NGEF: variants seen among roughly 807,000 people sequenced by gnomAD.
NGEF encodes neuronal guanine nucleotide exchange factor.
NGEF carries 31 observed loss-of-function variants against 80.9 expected under a neutral mutation model. That is an observed-to-expected ratio of 0.38 (90% CI 0.29 to 0.52). NGEF has a LOEUF of 0.52. Ranked by LOEUF, NGEF falls within the 20% of genes least tolerant of loss-of-function variation. The pLI is 0.84. For synonymous variants in NGEF, 371 were observed against 370.2 expected (o/e 1.00, Z -0.03); for missense variants, 709 against 926.2 (o/e 0.77, Z 3.04).
intron 3 of NGEF, among the ~76,000 whole-genome samples, chr2:232,933,193 A>G (rs1333379168): frequency 1.3e-5 from 2 of 152,010 alleles, no homozygotes; most frequent in African/African-American, 4.8e-5. Context: ...TCTAGACCCA[A>G]CTTCTCAAAG....
At chr2:232,884,644 T>C (rs895660072) in intron 10 of NGEF, among the ~76,000 whole-genome samples, 1 of 152,182 alleles carries the variant, frequency 6.6e-6, no homozygotes, top group African/African-American at 2.4e-5. Context: ...AGGCCAGGCC[T>C]GCAGCTGAAC....
intron 3 of NGEF, among the ~76,000 whole-genome samples, chr2:232,958,580 T>C (rs1428087097): frequency 6.6e-6 from 1 of 152,144 alleles, no homozygotes; most frequent in Non-Finnish European, 1.5e-5. Context: ...TTGAGGAGCT[T>C]AATGCTACCT....
At chr2:232,989,275 C>G (rs1421692086) in intron 1 of NGEF, among the ~76,000 whole-genome samples, 1 of 152,156 alleles carries the variant, frequency 6.6e-6, no homozygotes, top group East Asian at 1.9e-4. Context: ...TGGTGAAACC[C>G]TGTCTCTACT....
At chr2:232,975,662 C>A (rs1410528435) in intron 1 of NGEF, among the ~76,000 whole-genome samples, 6 of 152,102 alleles carry the variant, frequency 3.9e-5, no homozygotes, top group Admixed American at 3.9e-4. Flanking sequence ...ACCTCCCTCC[C>A]CACAAAGACC....
Position 232,946,166 on chromosome 2 carries a change from A to C in NGEF, c.384-18980T>G, listed in dbSNP as rs770937000. ...AGATAAGATTGGAGACAGTATTCTA[A>C]GTGAAGTAACTCAGGAATGGAAAAC... On this transcript the variant is annotated intron_variant, in intron 3 of 14. Transcript: ENST00000264051. 7.0e-4 allele frequency among the ~76,000 whole-genome samples: 107 copies of C among 152,050 alleles called. 1 individual carries two copies. The highest frequency in any genetic ancestry group is 9.8e-4 in the Admixed American group (15 of 15,248).
intron 5 of NGEF, among the ~76,000 whole-genome samples, chr2:232,901,880 A>G (rs1246601473): frequency 3.3e-5 from 5 of 152,074 alleles, no homozygotes; most frequent in African/African-American, 1.2e-4. Flanking sequence ...CACAGGCCCT[A>G]CCATCCAGGC....
chr2:232,920,679 G>T, intron 4 of NGEF, 94 bp from the exon 5 acceptor site: 1 of 1,281,588 alleles, frequency 7.8e-7, no homozygotes, highest in Non-Finnish European at 1.1e-6. Flanking sequence ...CTTATCAAGG[G>T]TGGCTGCTGT....
intron 5 of NGEF, among the ~76,000 whole-genome samples, chr2:232,913,464 C>T (rs1692731032): frequency 6.6e-6 from 1 of 152,126 alleles, no homozygotes; most frequent in African/African-American, 2.4e-5. Context: ...GTAGAGTGTT[C>T]TAGGAATGTT....
chr2:232,969,487 T>TCCTTCCTTCCTTCCTTCCTA (rs1559229015), intron 3 of NGEF, among the ~76,000 whole-genome samples: 1 of 112,344 alleles, frequency 8.9e-6, no homozygotes, highest in Non-Finnish European at 1.8e-5. Context: ...CTTCCTTCCT[T>TCCTTCCTTCCTTCCTTCCTA]CCTCCCTCCC....
At chr2:232,904,739 T>C (rs1692449419) in intron 5 of NGEF, among the ~76,000 whole-genome samples, 2 of 151,318 alleles carry the variant, frequency 1.3e-5, no homozygotes, top group Non-Finnish European at 2.9e-5. Context: ...AGCCCAGGAG[T>C]TGGAGAATAG....
intron 5 of NGEF, among the ~76,000 whole-genome samples, chr2:232,899,225 GTGTGCATA>G (rs1692196746): frequency 6.6e-6 from 1 of 152,034 alleles, no homozygotes; most frequent in African/African-American, 2.4e-5. Flanking sequence ...GTGTGTGAAT[GTGTGCATA>G]TGAGGGGGGC....
In NGEF at chr2:232,944,726, A is replaced by AATATATATATATATATAT. The variant is rs57851903; in HGVS notation, c.384-17558_384-17541dup. ...TGGGCTAGGGGATAAGACTTTTCCGAATATATATATATATATATATATATA... is the reference window on the plus strand; with the variant it reads ...TGGGCTAGGGGATAAGACTTTTCCGAATATATATATATATATATATATATATATATATATATATATATA... On this transcript the variant is annotated intron_variant, in intron 3 of 14. Transcript: ENST00000264051. Among the ~76,000 whole-genome samples, 348 of 108,608 alleles carry AATATATATATATATATAT rather than the reference A, an allele frequency of 3.2e-3. 4 individuals carry two copies. Among genetic ancestry groups the AATATATATATATATATAT allele is most frequent in the East Asian group, 5.7e-3 (20 of 3,524 alleles). 71.3% of individuals were successfully genotyped at this position (108,608 alleles called of 152,430 possible). A position where few individuals can be genotyped will look rare whatever the true frequency, so the allele number is the denominator to read the frequency against.
chr2:232,932,601 T>C (rs1428169115), intron 3 of NGEF, among the ~76,000 whole-genome samples: 1 of 152,184 alleles, frequency 6.6e-6, no homozygotes, highest in Admixed American at 6.5e-5. Context: ...TAGTATCAAT[T>C]TCTGTCTTAG....
chr2:232,974,900 G>A lies in NGEF; in HGVS notation c.-10C>T, dbSNP rs563158154. On this transcript the variant is annotated 5_prime_UTR_variant, in exon 2 of 15. Coordinates refer to ENST00000264051, the MANE Select transcript of NGEF (RefSeq NM_019850.3). ...ATTCCCTGGTCTCCATGGAAATAGA[G>A]CCAGATGTTTCTCAGCAGAACGACT... The A allele has an allele frequency of 2.9e-5, 47 of 1,610,906 alleles. No individual in the cohort carries two copies. In the South Asian group the frequency reaches 4.6e-4, roughly 16 times the overall value.
intron 3 of NGEF, among the ~76,000 whole-genome samples, chr2:232,952,776 T>G (rs528984322): frequency 1.3e-5 from 2 of 149,292 alleles, no homozygotes; most frequent in Non-Finnish European, 1.5e-5. Context: ...GAGACCAGCC[T>G]GGCCAATATG....
At chr2:232,950,136 T>C (rs777340818) in intron 3 of NGEF, among the ~76,000 whole-genome samples, 10 of 152,240 alleles carry the variant, frequency 6.6e-5, no homozygotes, top group Admixed American at 3.3e-4. Flanking sequence ...AGTACCAGTT[T>C]GATGGATGAA....
intron 3 of NGEF, among the ~76,000 whole-genome samples, chr2:232,964,055 G>C (rs570768641): frequency 2.9e-4 from 44 of 152,312 alleles, no homozygotes; most frequent in Middle Eastern, 3.4e-3. Flanking sequence ...CCACAATACA[G>C]TAAGACAGAT....
At chr2:232,897,188 C>T (rs1362659863) in intron 5 of NGEF, among the ~76,000 whole-genome samples, 1 of 151,564 alleles carries the variant, frequency 6.6e-6, no homozygotes, top group Non-Finnish European at 1.5e-5. Context: ...CTGCCTCACT[C>T]CTTTTAGGGC....
chr2:232,947,189 C>T (rs1188629210), intron 3 of NGEF, among the ~76,000 whole-genome samples: 1 of 152,114 alleles, frequency 6.6e-6, no homozygotes, highest in East Asian at 1.9e-4. Flanking sequence ...CCAAATTAAC[C>T]AAATGATCAA....
Sources: gnomAD v4.1 joint callset for allele counts (sites outside exome capture counted in the v4.1 genomes callset) on GRCh38, gnomAD v4.1.1 for gene constraint, MANE v1.5 for transcripts, NCBI Gene and HGNC (gene_info 2026-07-23, HGNC 2026-07-21) for gene names.